Variants in SLC4A4 observed in about 807,000 individuals in gnomAD.
The protein encoded by SLC4A4 is solute carrier family 4 member 4.
In SLC4A4, 27 loss-of-function variants were observed where a neutral mutation model predicts 111.5. That is an observed-to-expected ratio of 0.24 (90% CI 0.18 to 0.33). SLC4A4 has a LOEUF of 0.33. SLC4A4 is among the 10% of genes least tolerant of loss of function. The pLI is 1.00. For missense variants in SLC4A4, 909 were observed against 1,315.5 expected (o/e 0.69, Z 4.78); for synonymous variants, 443 against 463.4 (o/e 0.96, Z 0.57).
chr4:71,465,817 T>C (rs1727258194), intron 12 of SLC4A4, among the ~76,000 whole-genome samples: 1 of 152,068 alleles, frequency 6.6e-6, no homozygotes, highest in Non-Finnish European at 1.5e-5. Context: ...ATATATTTTC[T>C]CTAGAAATAG....
At chr4:71,332,561 C>T (rs1728093226) in intron 3 of SLC4A4, among the ~76,000 whole-genome samples, 1 of 151,790 alleles carries the variant, frequency 6.6e-6, no homozygotes, top group African/African-American at 2.4e-5. Flanking sequence ...TCTCCTGCCT[C>T]AGCCTCCCGA....
intron 1 of SLC4A4, chr4:71,233,138 A>G: frequency 3.8e-6 from 1 of 260,954 alleles, no homozygotes; most frequent in Non-Finnish European, 6.0e-6. Context: ...ATCTTTGAGA[A>G]GGTGGATGTG....
chr4:71,162,881 C>T (rs1744648254), intron 2 of SLC4A4, among the ~76,000 whole-genome samples: 1 of 152,140 alleles, frequency 6.6e-6, no homozygotes, highest in South Asian at 2.1e-4. Flanking sequence ...TGCTCTATTG[C>T]TCTTGATTTT....
intron 21 of SLC4A4, among the ~76,000 whole-genome samples, chr4:71,556,483 T>G (rs1403361599): frequency 6.6e-6 from 1 of 151,996 alleles, no homozygotes; most frequent in East Asian, 1.9e-4. Context: ...TTTAGGGGCT[T>G]TATTGGTTGA....
chr4:71,262,032 G>A (rs1721894187), intron 3 of SLC4A4, among the ~76,000 whole-genome samples: 1 of 152,134 alleles, frequency 6.6e-6, no homozygotes, highest in African/African-American at 2.4e-5. Context: ...GTCTGCCACA[G>A]GCATTACCAC....
chr4:71,430,778 A>G (rs1448734222), intron 7 of SLC4A4, among the ~76,000 whole-genome samples: 1 of 152,068 alleles, frequency 6.6e-6, no homozygotes, highest in Non-Finnish European at 1.5e-5. Flanking sequence ...GTGCCCTTTC[A>G]ACACGACGGG....
intron 6 of SLC4A4, among the ~76,000 whole-genome samples, chr4:71,360,341 A>T (rs1020151326): frequency 7.4e-5 from 11 of 149,260 alleles, no homozygotes; most frequent in Non-Finnish European, 1.3e-4. Context: ...TGATTTTTAA[A>T]TTTTTTTTTT....
chr4:71,380,739 G>A (rs1718059639), intron 6 of SLC4A4, among the ~76,000 whole-genome samples: 1 of 152,096 alleles, frequency 6.6e-6, no homozygotes, highest in African/African-American at 2.4e-5. Flanking sequence ...TTAGTTGGGG[G>A]GAACAGGGTT....
chr4:71,471,406 A>T (rs2149106434), intron 13 of SLC4A4, among the ~76,000 whole-genome samples: 1 of 152,052 alleles, frequency 6.6e-6, no homozygotes, highest in South Asian at 2.1e-4. Context: ...ATCAGTAAGG[A>T]TATCAATGAG....
chr4:71,538,830 G>A (rs1734792458), intron 18 of SLC4A4, among the ~76,000 whole-genome samples: 2 of 151,944 alleles, frequency 1.3e-5, no homozygotes, highest in African/African-American at 4.8e-5. Context: ...GGTTGTTTAT[G>A]CCCTGCATTA....
chr4:71,381,367 G>A (rs185231529), intron 6 of SLC4A4, among the ~76,000 whole-genome samples: 2 of 152,220 alleles, frequency 1.3e-5, no homozygotes, highest in East Asian at 1.9e-4. Context: ...TGAGTTTCTA[G>A]GGAAGTGTCT....
chr4:71,511,867 A>C lies in SLC4A4; in HGVS notation c.2166+14175A>C, dbSNP rs146943238. Among the ~76,000 whole-genome samples the C allele has an allele frequency of 3.3e-5, 5 of 152,224 alleles. No individual in the cohort carries two copies. In the East Asian group the frequency reaches 9.7e-4, roughly 29 times the overall value. ...CCACATATGAGTGATAACATGCACT[A>C]TATGTCTTTCCGTGCCTGACTTATT... On this transcript the variant is annotated intron_variant, in intron 16 of 25. Transcript: ENST00000264485.
chr4:71,234,717 A>G (rs1266565444), intron 1 of SLC4A4, among the ~76,000 whole-genome samples: 1 of 152,184 alleles, frequency 6.6e-6, no homozygotes, highest in Non-Finnish European at 1.5e-5. Context: ...TACAGGTGTG[A>G]GCCACCACGG....
At chr4:71,125,669 C>T (rs1213476470) in intron 2 of SLC4A4, among the ~76,000 whole-genome samples, 1 of 152,162 alleles carries the variant, frequency 6.6e-6, no homozygotes, top group African/African-American at 2.4e-5. Context: ...TAATAAATTT[C>T]AGTTTAGGCA....
At chr4:71,068,064 T>G (rs1741571872) in intron 1 of SLC4A4, among the ~76,000 whole-genome samples, 2 of 145,620 alleles carry the variant, frequency 1.4e-5, no homozygotes, top group Non-Finnish European at 1.5e-5. Flanking sequence ...GAACAAACGT[T>G]TTTTTTTTTT....
At chr4:71,245,554 G>T (rs541749558) in intron 2 of SLC4A4, among the ~76,000 whole-genome samples, 1 of 152,214 alleles carries the variant, frequency 6.6e-6, no homozygotes, top group East Asian at 1.9e-4. Flanking sequence ...GTACCATTTT[G>T]TAAGATGGGG....
intron 6 of SLC4A4, among the ~76,000 whole-genome samples, chr4:71,366,964 G>C (rs1433545463): frequency 6.6e-6 from 1 of 152,178 alleles, no homozygotes; most frequent in African/African-American, 2.4e-5. Flanking sequence ...CTCCAGTCAG[G>C]CTTTGCTAAA....
At chr4:71,507,615 G>A (rs1731536785) in intron 16 of SLC4A4, among the ~76,000 whole-genome samples, 1 of 152,142 alleles carries the variant, frequency 6.6e-6, no homozygotes, top group African/African-American at 2.4e-5. Context: ...GACCGTCAAA[G>A]TGACTTAGAC....
rs1380538243 is a variant in SLC4A4, at chr4:71,448,840, G to A, written c.1053+1107G>A. ...GGTACCTTTCTCCTTAGTTATAGAT[G>A]TTCCATGTGGTGATTACTCAGGTAG... On this transcript the variant is annotated intron_variant, in intron 9 of 25. Transcript: ENST00000264485. Among the ~76,000 whole-genome samples the A allele has an allele frequency of 2.6e-5, 4 of 152,130 alleles. No homozygotes were observed. The East Asian group carries it at 7.7e-4, about 29-fold the overall frequency.
Sources: gnomAD v4.1 joint callset for allele counts (sites outside exome capture counted in the v4.1 genomes callset) on GRCh38, gnomAD v4.1.1 for gene constraint, MANE v1.5 for transcripts, NCBI Gene and HGNC (gene_info 2026-07-23, HGNC 2026-07-21) for gene names.